LTA4H: variants seen among roughly 807,000 people sequenced by gnomAD.
LTA4H encodes the protein leukotriene A-4 hydrolase.
Under a neutral mutation model 89.8 loss-of-function variants are expected in LTA4H, and 59 were observed. That is an observed-to-expected ratio of 0.66 (90% CI 0.53 to 0.82). The LOEUF is 0.82. Among genes scored for constraint, LTA4H ranks in the 40% least tolerant of loss-of-function variants. The probability of loss-of-function intolerance (pLI) is 0.00; values close to 1 mark genes in which losing one functional copy is unlikely to be tolerated. For missense variants in LTA4H, 617 were observed against 727.0 expected (o/e 0.85, Z 1.74); for synonymous variants, 227 against 253.1 (o/e 0.90, Z 0.98).
chr12:96,010,637 T>C (rs1475608023), intron 14 of LTA4H: 1 of 152,214 alleles, frequency 6.6e-6, no homozygotes, highest in Non-Finnish European at 1.5e-5. Flanking sequence ...TAGGAGCTTA[T>C]AATCCCCACT....
chr12:96,028,230 CCTG>C (rs1356968695), intron 2 of LTA4H, among the ~76,000 whole-genome samples: 1 of 152,092 alleles, frequency 6.6e-6, no homozygotes, highest in Non-Finnish European at 1.5e-5. Flanking sequence ...GACCAGCAGC[CCTG>C]CTGGTGTTCG....
intron 16 of LTA4H, 78 bp from the exon 17 acceptor site, chr12:96,003,998 A>G (rs1950152958): frequency 1.4e-6 from 1 of 690,794 alleles, no homozygotes; most frequent in Admixed American, 3.1e-5. Flanking sequence ...AGAAATGCAT[A>G]GCCAGATTAA....
rs762713866 is a variant in LTA4H at position 96,009,083 on chromosome 12, T to G, written c.1434+11A>C. On this transcript the variant is annotated intron_variant, in intron 15 of 18. Transcript: ENST00000228740. ...TCAAAAAGGAATCAAAAATCACACA[T>G]TATTACTTACAGTAATCCATCTTTG... is the stretch of plus-strand genomic sequence containing the variant. 19 of 1,580,606 alleles carry G rather than the reference T, an allele frequency of 1.2e-5. No homozygotes were observed. In the Admixed American group the frequency reaches 3.2e-4, roughly 26 times the overall value.
intron 15 of LTA4H, among the ~76,000 whole-genome samples, chr12:96,007,832 GT>G (rs1256764389): frequency 6.6e-6 from 1 of 152,144 alleles, no homozygotes; most frequent in East Asian, 1.9e-4. Context: ...AAAAAATCCT[GT>G]TTCCCATAGA....
intron 8 of LTA4H, among the ~76,000 whole-genome samples, 157 bp from the exon 9 acceptor site, chr12:96,017,737 C>CA (rs1429473782): frequency 2.6e-5 from 4 of 151,592 alleles, no homozygotes; most frequent in East Asian, 1.9e-4. Flanking sequence ...ATTGAAAAAA[C>CA]AAAAAAAATA....
intron 14 of LTA4H, chr12:96,011,576 A>C (rs757160107): frequency 6.6e-6 from 1 of 152,164 alleles, no homozygotes; most frequent in Non-Finnish European, 1.5e-5. Context: ...CCTCACCCAC[A>C]ACACTTAATA....
At chr12:96,029,012 C>A in intron 2 of LTA4H, 43 bp downstream of exon 2, 1 of 1,463,534 alleles carries the variant, frequency 6.8e-7, no homozygotes, top group South Asian at 1.5e-5. Flanking sequence ...AATATGTTTC[C>A]CCATTATTTA....
Position 96,022,345 on chromosome 12 carries a change from ACTAT to A in LTA4H, c.481-98_481-95del, listed in dbSNP as rs1167746897. 6.4e-6 allele frequency: 5 copies of A among 775,412 alleles called. No homozygotes were observed. The highest frequency in any genetic ancestry group is 3.5e-5 in the African/African-American group (2 of 56,900). The allele number at this position is 775,412 out of a possible 1,614,324, so 48.0% of individuals were successfully genotyped here. A position where few individuals can be genotyped will look rare whatever the true frequency, so the allele number is the denominator to read the frequency against. Reference sequence around the variant, plus strand: ...AAATAACCTTTTCTTCCCATTCTTGACTATCTAATAAACAGACTATGAACACAAA... The same window carrying A: ...AAATAACCTTTTCTTCCCATTCTTGACTAATAAACAGACTATGAACACAAA... On this transcript the variant is annotated intron_variant, in intron 4 of 18. Coordinates refer to ENST00000228740, the MANE Select transcript of LTA4H (RefSeq NM_000895.3). The surrounding 1 kb of genome is among the most constrained non-coding windows in gnomAD (Gnocchi z 4.0).
intron 5 of LTA4H, 30 bp from the exon 6 acceptor site, chr12:96,021,167 T>G (rs1049265503): frequency 3.2e-5 from 50 of 1,547,496 alleles, no homozygotes; most frequent in Non-Finnish European, 4.3e-5. Flanking sequence ...GCACACCACG[T>G]GCTTGCATTA....
rs2136924717 is a variant in LTA4H, at chr12:96,035,586, A to G, written c.-67T>C. On this transcript the variant is annotated 5_prime_UTR_variant, in exon 1 of 19. Transcript: ENST00000228740. ...GCTCAGCTACCAGACTCGTCGATAGAGAACCTGAGGAGGAGGGAGAGAGGT... is the reference window on the plus strand; with the variant it reads ...GCTCAGCTACCAGACTCGTCGATAGGGAACCTGAGGAGGAGGGAGAGAGGT... The G allele has an allele frequency of 2.6e-6, 4 of 1,516,098 alleles. No homozygotes were observed. Among genetic ancestry groups the G allele is most frequent in the Non-Finnish European group, 3.6e-6 (4 of 1,121,282 alleles). 93.9% of individuals were successfully genotyped at this position (1,516,098 alleles called of 1,614,324 possible).
At chr12:96,038,696 T>A (rs945367640), upstream of LTA4H, among the ~76,000 whole-genome samples, 7 of 150,408 alleles carry the variant, frequency 4.7e-5, no homozygotes. Context: ...TTTTTTGAGG[T>A]CACCAAATCT....
At chr12:96,024,669 A>ATTT in intron 3 of LTA4H, 122 bp from the exon 4 acceptor site, 32 of 411,006 alleles carry the variant, frequency 7.8e-5, no homozygotes, top group Middle Eastern at 7.0e-4. Context: ...ATTTCTTGGG[A>ATTT]TTTTTTTTTT....
chr12:96,028,169 C>T (rs1041531124), intron 2 of LTA4H, among the ~76,000 whole-genome samples: 1 of 152,084 alleles, frequency 6.6e-6, no homozygotes, highest in African/African-American at 2.4e-5. Flanking sequence ...TGGTCCTTTA[C>T]CCCAGAGAGT....
intron 6 of LTA4H, among the ~76,000 whole-genome samples, 196 bp from the exon 7 acceptor site, chr12:96,019,436 C>G (rs925773970): frequency 2.0e-5 from 3 of 151,970 alleles, no homozygotes; most frequent in African/African-American, 7.3e-5. Flanking sequence ...ATGCAGCTCT[C>G]TAAGGAGGTA....
intron 18 of LTA4H, among the ~76,000 whole-genome samples, chr12:96,001,397 C>G (rs909549006): frequency 6.6e-6 from 1 of 152,048 alleles, no homozygotes; most frequent in Non-Finnish European, 1.5e-5. Flanking sequence ...TTTATACTGG[C>G]AGATCAGACA....
chr12:96,024,832 C>A (rs1214171906), intron 3 of LTA4H, among the ~76,000 whole-genome samples: 1 of 152,056 alleles, frequency 6.6e-6, no homozygotes, highest in Non-Finnish European at 1.5e-5. Context: ...CCACGCCCAG[C>A]TAATTTTGTA....
intron 6 of LTA4H, among the ~76,000 whole-genome samples, chr12:96,019,682 C>G (rs1223395260): frequency 6.6e-6 from 1 of 150,512 alleles, no homozygotes; most frequent in African/African-American, 2.5e-5. Flanking sequence ...AGCTCCACCT[C>G]CCAGGTTCAC....
At chr12:96,013,884 A>G (rs1226784442) in intron 12 of LTA4H, 31 bp from the exon 13 acceptor site, 1 of 969,358 alleles carries the variant, frequency 1.0e-6, no homozygotes, top group Admixed American at 2.2e-5. Context: ...AAATCAATTC[A>G]TAGAAAGGTA....
At chr12:96,006,785 T>A (rs1024855099) in intron 15 of LTA4H, among the ~76,000 whole-genome samples, 2 of 152,196 alleles carry the variant, frequency 1.3e-5, no homozygotes, top group African/African-American at 4.8e-5. Flanking sequence ...CGTATATTTT[T>A]AAATATTACA....
Sources: gnomAD v4.1 joint callset for allele counts (sites outside exome capture counted in the v4.1 genomes callset) on GRCh38, gnomAD v4.1.1 for gene constraint, Gnocchi (gnomAD v3.1) non-coding constraint, MANE v1.5 for transcripts, NCBI Gene and HGNC (gene_info 2026-07-23, HGNC 2026-07-21) for gene names.